Variants in PIK3CB observed in about 807,000 individuals in gnomAD.
PIK3CB encodes phosphatidylinositol 4,5-bisphosphate 3-kinase catalytic subunit beta isoform.
Under a neutral mutation model 136.8 loss-of-function variants are expected in PIK3CB, and 39 were observed. The observed-to-expected ratio is 0.29, with a 90% CI of 0.22 to 0.37. The LOEUF (loss-of-function observed/expected upper bound fraction) is 0.37, where lower values mean the gene tolerates loss of function less well. Ranked by LOEUF, PIK3CB falls within the 10% of genes least tolerant of loss-of-function variation. PIK3CB has a pLI of 1.00. For missense variants in PIK3CB, 868 were observed against 1,275.4 expected, an observed-to-expected ratio of 0.68 and a Z score of 4.87; for synonymous variants, 428 against 436.6, an observed-to-expected ratio of 0.98 and a Z score of 0.25.
chr3:138,821,278 G>A (rs1275938586), intron 1 of PIK3CB, among the ~76,000 whole-genome samples: 21 of 123,650 alleles, frequency 1.7e-4, no homozygotes, highest in South Asian at 2.6e-4. Context: ...ACGAGACTCC[G>A]TCTCAAAAAA....
intron 1 of PIK3CB, among the ~76,000 whole-genome samples, chr3:138,799,603 G>A (rs1011388902): frequency 1.3e-5 from 2 of 151,990 alleles, no homozygotes; most frequent in South Asian, 2.1e-4. Context: ...GACCCTACAT[G>A]ATATTAAAAA....
intron 2 of PIK3CB, among the ~76,000 whole-genome samples, chr3:138,771,301 C>A (rs932180669): frequency 1.3e-5 from 2 of 149,448 alleles, no homozygotes; most frequent in African/African-American, 4.9e-5. Flanking sequence ...TGGCTCACTG[C>A]AAGCTCTGCC....
chr3:138,821,004 G>A (rs997506458), intron 1 of PIK3CB, among the ~76,000 whole-genome samples: 4 of 152,146 alleles, frequency 2.6e-5, no homozygotes, highest in Admixed American at 6.5e-5. Context: ...GAATTAATGG[G>A]GGCTGGGCAC....
At chr3:138,772,063 T>A (rs933528757) in intron 2 of PIK3CB, among the ~76,000 whole-genome samples, 22 of 151,772 alleles carry the variant, frequency 1.4e-4, no homozygotes, top group African/African-American at 5.1e-4. Flanking sequence ...ATGAAAAATT[T>A]AAAAAAATAA....
At position 138,734,708 on chromosome 3, in the gene PIK3CB, T is replaced by C; in HGVS notation, c.898A>G (p.Ile300Val). The C allele has an allele frequency of 1.2e-6, 2 of 1,613,272 alleles. No homozygotes were observed. The highest frequency in any genetic ancestry group is 1.1e-5 in the South Asian group (1 of 91,038). ...KKMYEQEMIA[I>V]EAAINRNSSN... ...GAATTTCGATTTATGGCAGCCTCTA[T>C]GGCAATCATTTCTTGTTCATACATT... Residue 300 changes from isoleucine (I) to valine (V), a missense_variant, in exon 7 of 24, where the codon ATA becomes GTA. Physicochemically the swap from Ile to Val is conservative, Grantham distance 29 (BLOSUM62 3). Transcript: ENST00000674063.
At chr3:138,696,919 A>T (rs1336607138) in intron 13 of PIK3CB, among the ~76,000 whole-genome samples, 1 of 152,218 alleles carries the variant, frequency 6.6e-6, no homozygotes, top group Admixed American at 6.5e-5. Flanking sequence ...TAACACTGAA[A>T]AGGAGAGATA....
intron 17 of PIK3CB, among the ~76,000 whole-genome samples, 179 bp from the exon 18 acceptor site, chr3:138,683,966 G>C (rs1180034018): frequency 6.6e-6 from 1 of 152,214 alleles, no homozygotes; most frequent in African/African-American, 2.4e-5. Flanking sequence ...GCCTTGGGTG[G>C]CATATACTAA....
intron 1 of PIK3CB, among the ~76,000 whole-genome samples, chr3:138,817,933 G>T (rs1186776090): frequency 6.6e-6 from 1 of 152,086 alleles, no homozygotes; most frequent in Admixed American, 6.6e-5. Flanking sequence ...TCCAGCCTTG[G>T]CAACAGAATG....
intron 12 of PIK3CB, among the ~76,000 whole-genome samples, chr3:138,699,932 T>C (rs186753778): frequency 6.6e-6 from 1 of 152,118 alleles, no homozygotes; most frequent in South Asian, 2.1e-4. Flanking sequence ...CCAGGTATGG[T>C]GGCTCACGCC....
intron 11 of PIK3CB, among the ~76,000 whole-genome samples, chr3:138,705,197 A>AAAAAAAAAAAAAAT (rs1313585582): frequency 7.0e-6 from 1 of 142,278 alleles, no homozygotes; most frequent in Non-Finnish European, 1.5e-5. Context: ...AAACAAAAAA[A>AAAAAAAAAAAAAAT]AAAACTTATA....
chr3:138,773,259 C>T (rs925481641), intron 2 of PIK3CB, among the ~76,000 whole-genome samples: 6 of 151,806 alleles, frequency 4.0e-5, no homozygotes, highest in African/African-American at 1.5e-4. Flanking sequence ...ATTAGTTAGG[C>T]GTGTTGTCAG....
At chr3:138,675,422 C>T (rs1012847303) in intron 19 of PIK3CB, among the ~76,000 whole-genome samples, 7 of 151,880 alleles carry the variant, frequency 4.6e-5, no homozygotes, top group African/African-American at 1.7e-4. Context: ...CTGGAAACTC[C>T]CCAAATTTTA....
intron 19 of PIK3CB, among the ~76,000 whole-genome samples, chr3:138,672,024 C>T (rs1341868402): frequency 2.6e-5 from 4 of 151,824 alleles, no homozygotes; most frequent in East Asian, 3.9e-4. Flanking sequence ...ACGCTTGGTA[C>T]TGTGGTGTGC....
Position 138,732,414 on chromosome 3 carries a change from G to T in PIK3CB, c.1050+947C>A, listed in dbSNP as rs1046443284. ...AAATCTTTAATACCCATGTACAAAA[G>T]CAAGACATTGGTAATTTTTGGCAAG... On this transcript the variant is annotated intron_variant, in intron 8 of 23. Coordinates refer to ENST00000674063, the MANE Select transcript of PIK3CB (RefSeq NM_006219.3). 2.6e-5 allele frequency among the ~76,000 whole-genome samples: 4 copies of T among 152,072 alleles called. No homozygotes were observed. The East Asian group carries it at 7.7e-4, about 29-fold the overall frequency.
intron 1 of PIK3CB, among the ~76,000 whole-genome samples, chr3:138,833,700 C>T (rs1341247527): frequency 6.6e-6 from 1 of 152,104 alleles, no homozygotes; most frequent in African/African-American, 2.4e-5. Flanking sequence ...TGTAGCAATG[C>T]AGAAAAAAGA....
At chr3:138,658,369 G>T (rs1401529420) in intron 21 of PIK3CB, among the ~76,000 whole-genome samples, 1 of 152,088 alleles carries the variant, frequency 6.6e-6, no homozygotes, top group African/African-American at 2.4e-5. Context: ...GGAATTGCTT[G>T]AGCCTAGGAG....
At chr3:138,671,454 A>AT (rs2043531131) in intron 19 of PIK3CB, among the ~76,000 whole-genome samples, 1 of 152,206 alleles carries the variant, frequency 6.6e-6, no homozygotes, top group African/African-American at 2.4e-5. Flanking sequence ...ACTAAATCAC[A>AT]TTAAAAAAAT....
chr3:138,658,524 T>G (rs566063238), intron 21 of PIK3CB, among the ~76,000 whole-genome samples: 1 of 152,306 alleles, frequency 6.6e-6, no homozygotes, highest in Admixed American at 6.5e-5. Flanking sequence ...TCTTTAGAGG[T>G]AACTTCTTAC....
chr3:138,789,442 G>A (rs776484857), intron 2 of PIK3CB, among the ~76,000 whole-genome samples: 3 of 152,176 alleles, frequency 2.0e-5, no homozygotes, highest in Non-Finnish European at 2.9e-5. Context: ...CTGGTTGACA[G>A]AGTGAGACCC....
Sources: gnomAD v4.1 joint callset for allele counts (sites outside exome capture counted in the v4.1 genomes callset) on GRCh38, gnomAD v4.1.1 for gene constraint, MANE v1.5 for transcripts, NCBI Gene and HGNC (gene_info 2026-07-23, HGNC 2026-07-21) for gene names.